ABCA3: variants seen among roughly 807,000 people sequenced by gnomAD.
ABCA3 encodes the protein phospholipid-transporting ATPase ABCA3.
ABCA3 carries 88 observed loss-of-function variants against 172.8 expected under a neutral mutation model. That is an observed-to-expected ratio of 0.51 (90% confidence interval 0.43 to 0.61). ABCA3 has a LOEUF of 0.61. Among genes scored for constraint, ABCA3 ranks in the 20% least tolerant of loss-of-function variants. ABCA3 has a pLI of 0.00. For synonymous variants in ABCA3, 1,066 were observed against 983.8 expected (o/e 1.08, Z -1.56); for missense variants, 2,164 against 2,301.0 (o/e 0.94, Z 1.22).
chr16:2,304,148 T>A lies in ABCA3; in HGVS notation c.1288A>T (p.Met430Leu). Residue 430 changes from methionine (M) to leucine (L), a missense_variant and splice_region_variant, in exon 12 of 33, where the codon ATG becomes TTG. This residue lies in a region of ABCA3 where 1,343 missense variants were observed against 1,369.6 expected (regional missense o/e 0.98). Coordinates refer to ENST00000301732, the MANE Select transcript of ABCA3 (RefSeq NM_001089.3). ...QLIGKFEAKG[M>L]GIQWRDLLSP... ...AGGAGGTCTCGCCACTGGATGCCCA[T>A]GCCTGGAAGACACATCAGGAAAGTG... 6.2e-7 allele frequency: 1 copy of A among 1,614,078 alleles called. No individual in the cohort carries two copies. The highest frequency in any genetic ancestry group is 8.5e-7 in the Non-Finnish European group (1 of 1,180,024).
At chr16:2,328,021 G>A (rs941832376) in intron 3 of ABCA3, among the ~76,000 whole-genome samples, 4 of 152,114 alleles carry the variant, frequency 2.6e-5, no homozygotes, top group Non-Finnish European at 5.9e-5. Flanking sequence ...GTGCCCAGCT[G>A]CCATTTTCAT....
chr16:2,316,394 C>T (rs1315454291), intron 10 of ABCA3, among the ~76,000 whole-genome samples: 2 of 142,868 alleles, frequency 1.4e-5, no homozygotes, highest in African/African-American at 2.6e-5. Flanking sequence ...CCTGTAATCC[C>T]AGCACTTTGG....
intron 10 of ABCA3, among the ~76,000 whole-genome samples, chr16:2,310,145 C>A (rs1405103235): frequency 6.6e-6 from 1 of 152,074 alleles, no homozygotes; most frequent in Non-Finnish European, 1.5e-5. Context: ...GTGGCTCATG[C>A]CTGTAATCCC....
intron 12 of ABCA3, 49 bp downstream of exon 12, chr16:2,303,920 C>G (rs2093693523): frequency 6.2e-7 from 1 of 1,609,302 alleles, no homozygotes; most frequent in African/African-American, 1.3e-5. Flanking sequence ...CTGGGGACAC[C>G]TCTGCACTCA....
At position 2,288,142 on chromosome 16, in the gene ABCA3, T is replaced by C. The variant is rs2093665997; in HGVS notation, c.2888A>G (p.Tyr963Cys). 6.2e-7 allele frequency: 1 copy of C among 1,612,010 alleles called. No individual in the cohort carries two copies. Among genetic ancestry groups the C allele is most frequent in the Non-Finnish European group, 8.5e-7 (1 of 1,179,186 alleles). Residue 963 changes from tyrosine (Y) to cysteine (C), a missense_variant, in exon 21 of 33, where the codon TAC (tyrosine) becomes TGC (cysteine). By Grantham distance (194) the Tyr-to-Cys change is radical. Transcript: ENST00000301732. ...TGAGAAGGGCACGACGGTTCTGCCG[T>C]ACTCGCCCAAGGTCAGCCTCAGCAT... ...DPMLRLTLGE[Y>C]GRTVVPFSVP...
At chr16:2,332,991 G>C (rs2093745920) in intron 1 of ABCA3, among the ~76,000 whole-genome samples, 1 of 152,090 alleles carries the variant, frequency 6.6e-6, no homozygotes, top group Non-Finnish European at 1.5e-5. Context: ...ATTTTTTGCA[G>C]AGATGGAGTC....
At chr16:2,292,271 C>T in intron 18 of ABCA3, 33 bp from the exon 19 acceptor site, 1 of 1,541,524 alleles carries the variant, frequency 6.5e-7, no homozygotes, top group Non-Finnish European at 9.0e-7. Context: ...TGAGTCACTT[C>T]TCAGTGACTT....
rs374123670 is a variant in ABCA3 at position 2,288,038 on chromosome 16, G to A, written c.2992C>T (p.Arg998Cys). 1.9e-5 allele frequency: 31 copies of A among 1,608,106 alleles called. No homozygotes were observed. The highest frequency in any genetic ancestry group is 1.2e-4 in the South Asian group (11 of 91,066). The part of the protein sequence containing the change: ...DALQAEGQEP[R>C]EVLGDLEEFL... The stretch of plus-strand genomic sequence containing the variant: ...GGATGCCCCTTACCGAGCACCTCGC[G>A]GGGCTCCTGTCCCTCAGCCTGCAGT... Residue 998 changes from arginine to cysteine, a missense_variant, in exon 21 of 33, where the codon CGC (arginine) becomes TGC (cysteine). Arg to Cys is a radical substitution (Grantham distance 180). Transcript: ENST00000301732.
chr16:2,281,467 C>G lies in ABCA3; in HGVS notation c.4078G>C (p.Asp1360His). 1 of 1,611,814 alleles carries G rather than the reference C, an allele frequency of 6.2e-7. No homozygotes were observed. Among genetic ancestry groups the G allele is most frequent in the Non-Finnish European group, 8.5e-7 (1 of 1,178,842 alleles). ...TRMPVLPEDQ[D>H]VADERTRILA... Reference sequence around the variant, plus strand: ...ATGCGGGTCCTCTCGTCCGCTACATCTTGGTCCTCAGGAAGCACAGGCATC... The same window carrying G: ...ATGCGGGTCCTCTCGTCCGCTACATGTTGGTCCTCAGGAAGCACAGGCATC... The change falls in exon 27 of 33, where the codon GAT becomes CAT. Residue 1360 changes from aspartate (D) to histidine (H), a missense_variant. Physicochemically the swap from Asp to His is moderately conservative, Grantham distance 81. Transcript: ENST00000301732. The surrounding 1 kb of genome is among the most constrained non-coding windows in gnomAD (Gnocchi z 4.7).
intron 3 of ABCA3, among the ~76,000 whole-genome samples, chr16:2,327,641 T>C (rs971583584): frequency 1.3e-5 from 2 of 152,334 alleles, no homozygotes; most frequent in African/African-American, 4.8e-5. Flanking sequence ...TCCTTGGCCC[T>C]AAAGACCGGC....
intron 11 of ABCA3, among the ~76,000 whole-genome samples, chr16:2,308,089 T>A (rs975571780): frequency 3.3e-5 from 5 of 152,024 alleles, no homozygotes; most frequent in Admixed American, 1.3e-4. Flanking sequence ...TAAAAAAAAA[T>A]GAAAACTGAA....
chr16:2,298,307 T>C, intron 15 of ABCA3, 79 bp downstream of exon 15: 2 of 1,594,712 alleles, frequency 1.3e-6, no homozygotes, highest in East Asian at 4.5e-5. Flanking sequence ...TTCCTCCAGT[T>C]TAGCTCCTCG....
Position 2,278,553 on chromosome 16 carries a change from C to T in ABCA3, c.4548-95G>A. On this transcript the variant is annotated intron_variant, in intron 29 of 32. Coordinates refer to ENST00000301732, the MANE Select transcript of ABCA3 (RefSeq NM_001089.3). This position sits in a 1 kb window ranked among gnomAD's most constrained non-coding sequence, Gnocchi z 4.4. ...AGGCCCGTGTCCCAGCAGCGGCCCA[C>T]ACCCAGCAATTGCAGAACAGCCCTA... 1.5e-5 allele frequency: 23 copies of T among 1,495,646 alleles called. No individual in the cohort carries two copies. Among genetic ancestry groups the T allele is most frequent in the Non-Finnish European group, 2.1e-5 (23 of 1,094,158 alleles). The allele number at this position is 1,495,646 out of a possible 1,614,324, so 92.6% of individuals were successfully genotyped here.
At chr16:2,313,878 C>T (rs892088585) in intron 10 of ABCA3, among the ~76,000 whole-genome samples, 23 of 148,138 alleles carry the variant, frequency 1.6e-4, no homozygotes, top group Admixed American at 3.4e-4. Flanking sequence ...GGCAACAGAG[C>T]GAGATTCCAT....
intron 14 of ABCA3, among the ~76,000 whole-genome samples, chr16:2,298,761 C>T (rs1023689088): frequency 6.6e-6 from 1 of 152,122 alleles, no homozygotes; most frequent in Non-Finnish European, 1.5e-5. Context: ...CACAGCTGGT[C>T]AGGGAGGAGA....
intron 11 of ABCA3, among the ~76,000 whole-genome samples, chr16:2,306,946 C>T (rs538641907): frequency 2.9e-5 from 4 of 137,320 alleles, no homozygotes; most frequent in African/African-American, 1.1e-4. Context: ...ACCCGGGAGG[C>T]GGAGCTTGCA....
intron 5 of ABCA3, 58 bp from the exon 6 acceptor site, chr16:2,324,589 T>C: frequency 1.2e-6 from 2 of 1,600,106 alleles, no homozygotes; most frequent in South Asian, 2.2e-5. Flanking sequence ...GCTTGAAAAA[T>C]CTGCGTGGTT....
At chr16:2,336,881 AT>A (rs1436630292) in intron 1 of ABCA3, among the ~76,000 whole-genome samples, 2 of 151,822 alleles carry the variant, frequency 1.3e-5, no homozygotes, top group Non-Finnish European at 2.9e-5. Context: ...TGTTGGATAA[AT>A]TTAATCATGT....
chr16:2,325,078 G>C (rs891062005), intron 5 of ABCA3, among the ~76,000 whole-genome samples: 1 of 152,136 alleles, frequency 6.6e-6, no homozygotes, highest in African/African-American at 2.4e-5. Flanking sequence ...GGGGAAAATG[G>C]AGGACAGCTT....
Sources: gnomAD v4.1 joint callset for allele counts (sites outside exome capture counted in the v4.1 genomes callset) on GRCh38, gnomAD v4.1.1 for gene constraint, gnomAD v4.1.1 regional missense constraint, Gnocchi (gnomAD v3.1) non-coding constraint, MANE v1.5 for transcripts, NCBI Gene and HGNC (gene_info 2026-07-23, HGNC 2026-07-21) for gene names.